STXBP5L: variants seen among roughly 807,000 people sequenced by gnomAD.
The protein encoded by STXBP5L is syntaxin-binding protein 5-like.
STXBP5L carries 65 observed loss-of-function variants against 144.5 expected under a neutral mutation model. That is an observed-to-expected ratio of 0.45 (90% CI 0.37 to 0.55). STXBP5L has a LOEUF of 0.55. STXBP5L is among the 20% of genes least tolerant of loss of function. STXBP5L has a pLI of 0.00. For synonymous variants in STXBP5L, 505 were observed against 469.6 expected, an observed-to-expected ratio of 1.08 and a Z score of -0.97; for missense variants, 1,298 against 1,405.5, an observed-to-expected ratio of 0.92 and a Z score of 1.22.
chr3:121,053,660 T>G (rs1393532793), intron 5 of STXBP5L, among the ~76,000 whole-genome samples: 1 of 152,094 alleles, frequency 6.6e-6, no homozygotes, highest in Non-Finnish European at 1.5e-5. Flanking sequence ...GGCAATACCA[T>G]TCAGGACATA....
At chr3:121,209,748 C>A (rs1184056074) in intron 10 of STXBP5L, among the ~76,000 whole-genome samples, 1 of 152,202 alleles carries the variant, frequency 6.6e-6, no homozygotes, top group Non-Finnish European at 1.5e-5. Context: ...CATGTCCCTA[C>A]AAAGGACGTG....
At chr3:121,040,828 C>T (rs967556188) in intron 3 of STXBP5L, among the ~76,000 whole-genome samples, 1 of 152,052 alleles carries the variant, frequency 6.6e-6, no homozygotes, top group Non-Finnish European at 1.5e-5. Context: ...ATTGTCATTT[C>T]CTACCTGATA....
At chr3:121,129,919 A>G (rs1312636549) in intron 7 of STXBP5L, among the ~76,000 whole-genome samples, 3 of 152,082 alleles carry the variant, frequency 2.0e-5, no homozygotes, top group Non-Finnish European at 4.4e-5. Context: ...TCTGGGGCAT[A>G]CAGAGCATCT....
At chr3:121,410,726 AAG>A (rs1340927485) in intron 23 of STXBP5L, among the ~76,000 whole-genome samples, 2,198 of 152,200 alleles carry the variant, frequency 0.014, 45 homozygotes, top group African/African-American at 0.049. Context: ...ACTTGGCTGT[AAG>A]AGACACTTTT....
chr3:121,150,429 G>C (rs74652873), intron 7 of STXBP5L, among the ~76,000 whole-genome samples: 2,925 of 152,112 alleles, frequency 0.019, 86 homozygotes, highest in African/African-American at 0.066. Flanking sequence ...TCTCCTGGAT[G>C]TCAGGGGGAT....
At chr3:121,333,256 T>C (rs79339788) in intron 20 of STXBP5L, among the ~76,000 whole-genome samples, 17,059 of 152,128 alleles carry the variant, frequency 0.11, 1,052 homozygotes, top group Non-Finnish European at 0.14. Flanking sequence ...TAAATGTAAG[T>C]GGTCTAAATG....
At chr3:120,988,398 T>C (rs1942509042) in intron 3 of STXBP5L, among the ~76,000 whole-genome samples, 1 of 152,000 alleles carries the variant, frequency 6.6e-6, no homozygotes, top group Non-Finnish European at 1.5e-5. Flanking sequence ...TTTGCAAGTG[T>C]TTGGAAACCT....
chr3:121,007,403 T>G (rs1232263709), intron 3 of STXBP5L, among the ~76,000 whole-genome samples: 2 of 152,020 alleles, frequency 1.3e-5, no homozygotes, highest in Non-Finnish European at 1.5e-5. Context: ...CAAATTTAAT[T>G]GAGAATTATT....
intron 3 of STXBP5L, among the ~76,000 whole-genome samples, chr3:120,992,628 G>T (rs755796180): frequency 1.3e-5 from 2 of 151,908 alleles, no homozygotes; most frequent in Non-Finnish European, 2.9e-5. Context: ...CAAATGACAG[G>T]ATTTTATTCT....
At chr3:120,955,326 A>G (rs1033787459) in intron 3 of STXBP5L, among the ~76,000 whole-genome samples, 45 of 151,948 alleles carry the variant, frequency 3.0e-4, no homozygotes, top group African/African-American at 1.0e-3. Context: ...CATGATTCTC[A>G]CAAAGAATCA....
rs1338503243 is a variant in STXBP5L at position 121,257,195 on chromosome 3, ATAT to A, written c.1700_1702del (p.Ile567del). 1.9e-6 allele frequency: 3 copies of A among 1,613,142 alleles called. No individual in the cohort carries two copies. The highest frequency in any genetic ancestry group is 1.7e-5 in the Admixed American group (1 of 59,952). On this transcript the variant is annotated inframe_deletion, in exon 17 of 27. Transcript: ENST00000471454. ...GTACGACTTCAGTATGATGTTGAAG[ATAT>A]TATTACCCCTGAACCAGAAACAAGT...
intron 3 of STXBP5L, among the ~76,000 whole-genome samples, chr3:121,014,309 C>G (rs1383463751): frequency 9.9e-5 from 15 of 151,954 alleles, no homozygotes; most frequent in Admixed American, 9.8e-4. Context: ...TCTACAATAT[C>G]TACCTCTTAC....
At chr3:121,351,251 G>A (rs886074387) in intron 20 of STXBP5L, among the ~76,000 whole-genome samples, 1 of 152,144 alleles carries the variant, frequency 6.6e-6, no homozygotes, top group Non-Finnish European at 1.5e-5. Context: ...CTGGGTATCA[G>A]CAACAGAGGC....
chr3:121,200,292 G>T lies in STXBP5L; in HGVS notation c.878-5631G>T, dbSNP rs189218446. 4.8e-3 allele frequency among the ~76,000 whole-genome samples: 725 copies of T among 152,278 alleles called. 6 individuals are homozygous for T. The highest frequency in any genetic ancestry group is 0.016 in the African/African-American group (683 of 41,546). ...CATAGAGGTGCTAATAGTATTCTCT[G>T]ATGGTAGTTTGTATTTCTATGTGAT... On this transcript the variant is annotated intron_variant, in intron 9 of 26. Coordinates refer to ENST00000471454, the MANE Select transcript of STXBP5L (RefSeq NM_001308330.2).
At chr3:121,157,482 G>A in intron 8 of STXBP5L, 22 bp from the exon 9 acceptor site, 1 of 1,553,204 alleles carries the variant, frequency 6.4e-7, no homozygotes, top group Non-Finnish European at 8.6e-7. Flanking sequence ...CCCTCTACTT[G>A]TTTTAATTGT....
intron 7 of STXBP5L, among the ~76,000 whole-genome samples, chr3:121,133,161 A>G (rs543499596): frequency 2.0e-5 from 3 of 152,198 alleles, no homozygotes; most frequent in Admixed American, 6.6e-5. Context: ...CTTGAGCCCA[A>G]GAGTTTGAGA....
chr3:121,004,779 A>G (rs967228712), intron 3 of STXBP5L, among the ~76,000 whole-genome samples: 45 of 152,082 alleles, frequency 3.0e-4, no homozygotes, highest in African/African-American at 1.0e-3. Context: ...GAATTTTGTC[A>G]AAGGCCTTTT....
chr3:120,971,373 A>G (rs1224485780), intron 3 of STXBP5L, among the ~76,000 whole-genome samples: 1 of 147,968 alleles, frequency 6.8e-6, no homozygotes, highest in Non-Finnish European at 1.5e-5. Flanking sequence ...CTTCACCCGC[A>G]CCCCCCCCAA....
At chr3:121,297,202 ATGTGTGTGTG>A (rs71133526) in intron 19 of STXBP5L, among the ~76,000 whole-genome samples, 23,102 of 148,128 alleles carry the variant, frequency 0.16, 2,020 homozygotes, top group Non-Finnish European at 0.21. Flanking sequence ...TCTACATTAT[ATGTGTGTGTG>A]TGTGTGTGTG....
Sources: allele counts gnomAD v4.1 joint callset (sites outside exome capture counted in the v4.1 genomes callset), GRCh38; gene constraint gnomAD v4.1.1; transcripts MANE v1.5; gene names NCBI Gene and HGNC (gene_info 2026-07-23, HGNC 2026-07-21).